The following LRP1B variants were observed in gnomAD, a reference collection of about 807,000 sequenced individuals.
LRP1B encodes the protein LDL receptor related protein 1B.
LRP1B carries 217 observed loss-of-function variants against 556.6 expected under a neutral mutation model. The observed-to-expected ratio is 0.39, with a 90% confidence interval of 0.35 to 0.44. The LOEUF (loss-of-function observed/expected upper bound fraction) is 0.44, where lower values mean the gene tolerates loss of function less well. Ranked by LOEUF, LRP1B falls within the 20% of genes least tolerant of loss-of-function variation. LRP1B has a pLI of 1.00. For synonymous variants in LRP1B, 2,047 were observed against 1,865.8 expected, an observed-to-expected ratio of 1.10 and a Z score of -2.50; for missense variants, 5,053 against 5,620.8, an observed-to-expected ratio of 0.90 and a Z score of 3.23.
chr2:141,210,201 C>T (rs893118669), intron 6 of LRP1B, among the ~76,000 whole-genome samples: 1 of 150,928 alleles, frequency 6.6e-6, no homozygotes, highest in East Asian at 1.9e-4. Flanking sequence ...CCCAGTATCT[C>T]GTAAACATCG....
At chr2:140,791,934 G>T (rs1690135408) in intron 32 of LRP1B, among the ~76,000 whole-genome samples, 1 of 152,156 alleles carries the variant, frequency 6.6e-6, no homozygotes. Context: ...TGAAAGTAGG[G>T]CGTAAATTTC....
At chr2:141,600,685 A>T (rs1192991896) in intron 2 of LRP1B, among the ~76,000 whole-genome samples, 1 of 152,146 alleles carries the variant, frequency 6.6e-6, no homozygotes, top group Non-Finnish European at 1.5e-5. Context: ...TGCCCATAAA[A>T]TAAGAAAAAT....
At chr2:141,826,970 G>A (rs1696948906) in intron 1 of LRP1B, among the ~76,000 whole-genome samples, 2 of 151,984 alleles carry the variant, frequency 1.3e-5, no homozygotes, top group African/African-American at 4.8e-5. Flanking sequence ...GTCTTGCTTT[G>A]TGATCATTTT....
chr2:142,129,294 A>T (rs974756258), intron 1 of LRP1B, among the ~76,000 whole-genome samples: 6 of 152,226 alleles, frequency 3.9e-5, no homozygotes, highest in African/African-American at 1.4e-4. Flanking sequence ...GGTGGCAATG[A>T]TATGCTTAAA....
intron 3 of LRP1B, among the ~76,000 whole-genome samples, chr2:141,371,834 C>A (rs187972513): frequency 6.6e-6 from 1 of 151,894 alleles, no homozygotes; most frequent in Non-Finnish European, 1.5e-5. Context: ...TTGACTTTCC[C>A]TTTTCCAATT....
chr2:140,994,071 G>T lies in LRP1B; in HGVS notation c.2568C>A (p.His856Gln), dbSNP rs371559576. ...CACATTTCCACCGAGCTTGGATACA[G>T]TGTCTGTTTTTGCAGCGAAACTCTC... ...KAGEFRCKNR[H>Q]CIQARWKCDG... is the part of the protein sequence containing the mutation. Residue 856 changes from histidine to glutamine, a missense_variant, in exon 16 of 91, where the codon CAC becomes CAA. His to Gln is a conservative substitution (Grantham distance 24). Around this residue, in one of 5 missense-constraint regions of LRP1B, gnomAD observed 3,619 missense variants for 3,931.9 expected, o/e 0.92. Transcript: ENST00000389484. The T allele has an allele frequency of 3.7e-6, 6 of 1,612,566 alleles. No homozygotes were observed. Among genetic ancestry groups the T allele is most frequent in the Non-Finnish European group, 5.1e-6 (6 of 1,179,144 alleles).
At chr2:141,916,606 T>A (rs2217841) in intron 1 of LRP1B, among the ~76,000 whole-genome samples, 126,652 of 147,278 alleles carry the variant, frequency 0.86, 54,652 homozygotes, top group East Asian at 1. Flanking sequence ...ATGGTCTTGA[T>A]CTCCTGACCT....
chr2:141,273,795 A>G (rs1443534634), intron 3 of LRP1B, among the ~76,000 whole-genome samples: 1 of 152,234 alleles, frequency 6.6e-6, no homozygotes, highest in Non-Finnish European at 1.5e-5. Flanking sequence ...CAATTCATAC[A>G]ATGCGAGAAA....
At chr2:141,961,500 C>T (rs777827545) in intron 1 of LRP1B, among the ~76,000 whole-genome samples, 15 of 151,686 alleles carry the variant, frequency 9.9e-5, no homozygotes, top group South Asian at 2.1e-4. Flanking sequence ...ACACCTTTGA[C>T]GTATTTAATT....
chr2:140,660,280 C>T (rs1365756179), intron 41 of LRP1B, among the ~76,000 whole-genome samples: 1 of 151,960 alleles, frequency 6.6e-6, no homozygotes, highest in Non-Finnish European at 1.5e-5. Context: ...AAGTTAAATA[C>T]CCATAGTTCT....
At chr2:140,997,616 T>C (rs867814537) in intron 15 of LRP1B, among the ~76,000 whole-genome samples, 16 of 152,002 alleles carry the variant, frequency 1.1e-4, no homozygotes, top group Non-Finnish European at 1.6e-4. Context: ...TTAGTCATAA[T>C]AGCATTTGTC....
intron 43 of LRP1B, among the ~76,000 whole-genome samples, chr2:140,574,474 T>C (rs1296225962): frequency 6.6e-6 from 1 of 152,152 alleles, no homozygotes; most frequent in East Asian, 1.9e-4. Context: ...GAAAAAAATA[T>C]CCATAACTTA....
At chr2:141,955,321 T>C (rs1430833165) in intron 1 of LRP1B, among the ~76,000 whole-genome samples, 1 of 152,130 alleles carries the variant, frequency 6.6e-6, no homozygotes, top group Non-Finnish European at 1.5e-5. Flanking sequence ...CATAATAGTT[T>C]TATGTGTTTT....
intron 43 of LRP1B, among the ~76,000 whole-genome samples, chr2:140,559,798 G>T (rs576976143): frequency 2.0e-5 from 3 of 148,150 alleles, no homozygotes; most frequent in Non-Finnish European, 4.5e-5. Flanking sequence ...ACAAGGGAAA[G>T]TTCTTCCTTA....
intron 1 of LRP1B, among the ~76,000 whole-genome samples, chr2:141,905,550 C>T (rs540467186): frequency 3.7e-4 from 56 of 150,194 alleles, no homozygotes; most frequent in African/African-American, 1.0e-3. Context: ...TTCTAACAAA[C>T]GGAGAAATTG....
intron 1 of LRP1B, among the ~76,000 whole-genome samples, chr2:141,955,213 T>A (rs1701212827): frequency 6.6e-6 from 1 of 152,140 alleles, no homozygotes; most frequent in Non-Finnish European, 1.5e-5. Context: ...ACTACATTCC[T>A]CACCCTTCTC....
chr2:140,934,490 T>C (rs1163104496), intron 20 of LRP1B, among the ~76,000 whole-genome samples: 1 of 152,126 alleles, frequency 6.6e-6, no homozygotes, highest in Admixed American at 6.6e-5. Flanking sequence ...TACTGAACCC[T>C]TGCAACTTCC....
chr2:140,619,932 T>C (rs1683392432), intron 41 of LRP1B, among the ~76,000 whole-genome samples: 1 of 152,218 alleles, frequency 6.6e-6, no homozygotes. Flanking sequence ...AACTATTGTA[T>C]GCCTTCAATA....
At chr2:141,624,927 G>A (rs1036394227) in intron 2 of LRP1B, among the ~76,000 whole-genome samples, 1 of 151,782 alleles carries the variant, frequency 6.6e-6, no homozygotes, top group Non-Finnish European at 1.5e-5. Flanking sequence ...CCGCCACCAC[G>A]CCCGGCTAAT....
Sources: allele counts gnomAD v4.1 joint callset (sites outside exome capture counted in the v4.1 genomes callset), GRCh38; gene constraint gnomAD v4.1.1; regional missense constraint gnomAD v4.1.1; transcripts MANE v1.5; gene names NCBI Gene and HGNC (gene_info 2026-07-23, HGNC 2026-07-21).